The following RSRC1 variants were observed in gnomAD, a reference collection of about 807,000 sequenced individuals.
RSRC1 encodes the protein serine/Arginine-related protein 53.
A neutral mutation model predicts 49.1 loss-of-function variants in RSRC1; 39 were observed. The observed-to-expected ratio is 0.79, with a 90% CI of 0.61 to 1.04. The LOEUF is 1.04. Among genes scored for constraint, RSRC1 ranks in the 50% least tolerant of loss-of-function variants. The pLI, the probability that RSRC1 is intolerant of heterozygous loss-of-function variation, is 0.00. For missense variants in RSRC1, 388 were observed against 402.4 expected (o/e 0.96, Z 0.31); for synonymous variants, 143 against 130.8 (o/e 1.09, Z -0.63).
rs1720072749 is a variant in RSRC1, at chr3:158,188,910, C to T, written c.321-14162C>T. Among the ~76,000 whole-genome samples the T allele has an allele frequency of 2.0e-5, 3 of 151,586 alleles. No individual in the cohort carries two copies. The South Asian group carries it at 6.2e-4, about 31-fold the overall frequency. Reference sequence around the variant, plus strand: ...TTCTCTTTGAGATGGATGCTTAGATCATTTATTTTTAGCTTTTATTCTTTT... The same window carrying T: ...TTCTCTTTGAGATGGATGCTTAGATTATTTATTTTTAGCTTTTATTCTTTT... On this transcript the variant is annotated intron_variant, in intron 3 of 9. Transcript: ENST00000611884.
intron 3 of RSRC1, among the ~76,000 whole-genome samples, chr3:158,161,426 A>G (rs2108225761): frequency 6.6e-6 from 1 of 152,320 alleles, no homozygotes; most frequent in South Asian, 2.1e-4. Flanking sequence ...AAAGCAAATC[A>G]TGGGTCTAAG....
intron 6 of RSRC1, among the ~76,000 whole-genome samples, chr3:158,451,678 C>T (rs1208719537): frequency 6.6e-6 from 1 of 152,014 alleles, no homozygotes; most frequent in Non-Finnish European, 1.5e-5. Context: ...TGCCTTTATT[C>T]AGACACTTTC....
At chr3:158,511,850 G>C (rs1740203041) in intron 7 of RSRC1, among the ~76,000 whole-genome samples, 1 of 151,986 alleles carries the variant, frequency 6.6e-6, no homozygotes, top group Non-Finnish European at 1.5e-5. Context: ...TTGTGGTTTT[G>C]ATTTGCATTT....
In RSRC1 at chr3:158,123,968, T is replaced by G. The variant is rs1715452878; in HGVS notation, c.297T>G (p.Ser99=). ...GRGKSYRVQR[S]RSKSRTRRSR... is the part of the protein sequence containing the mutation. ...GGAAATCCTATAGAGTTCAGAGGTC[T>G]AGGTCAAAAAGCAGAACAAGAAGGT... The change falls in exon 3 of 10, where the codon TCT becomes TCG. Residue 99 remains serine (S), a synonymous_variant. Coordinates refer to ENST00000611884, the MANE Select transcript of RSRC1 (RefSeq NM_001271838.2). 1 of 1,601,630 alleles carries G rather than the reference T, an allele frequency of 6.2e-7. No homozygotes were observed. The highest frequency in any genetic ancestry group is 8.5e-7 in the Non-Finnish European group (1 of 1,174,198).
In RSRC1 at chr3:158,489,584, A is replaced by G. The variant is rs532344815; in HGVS notation, c.652+28581A>G. ...ATAATTTATATATTTAGTTTATTTT[A>G]TGTAAAACAAACCAGTAAAAAACAT... On this transcript the variant is annotated intron_variant, in intron 7 of 9. Transcript: ENST00000611884. Among the ~76,000 whole-genome samples the G allele has an allele frequency of 4.6e-5, 7 of 152,182 alleles. No homozygotes were observed. In the South Asian group the frequency reaches 1.5e-3, roughly 32 times the overall value.
chr3:158,508,144 T>TA (rs1242995643), intron 7 of RSRC1, among the ~76,000 whole-genome samples: 4 of 152,126 alleles, frequency 2.6e-5, no homozygotes, highest in Non-Finnish European at 1.5e-5. Flanking sequence ...GGTTTTGCTT[T>TA]AAAAAAATTT....
At chr3:158,197,401 T>A (rs958043366) in intron 3 of RSRC1, among the ~76,000 whole-genome samples, 10 of 152,218 alleles carry the variant, frequency 6.6e-5, no homozygotes, top group African/African-American at 2.4e-4. Flanking sequence ...TTTTCTTCTT[T>A]ATTAGTCTTG....
At chr3:158,505,885 G>C (rs1739838222) in intron 7 of RSRC1, among the ~76,000 whole-genome samples, 1 of 152,096 alleles carries the variant, frequency 6.6e-6, no homozygotes, top group Admixed American at 6.6e-5. Flanking sequence ...ATTTAACATG[G>C]CTGAAACCAA....
At chr3:158,222,898 A>G (rs1722304799) in intron 4 of RSRC1, among the ~76,000 whole-genome samples, 1 of 151,610 alleles carries the variant, frequency 6.6e-6, no homozygotes, top group Admixed American at 6.6e-5. Flanking sequence ...CACAACCCTT[A>G]ACTTTCACTT....
At chr3:158,479,110 A>G (rs1156937637) in intron 7 of RSRC1, among the ~76,000 whole-genome samples, 1 of 151,216 alleles carries the variant, frequency 6.6e-6, no homozygotes, top group Non-Finnish European at 1.5e-5. Context: ...TAATGAGAGC[A>G]TACCAAATAA....
chr3:158,505,202 T>C (rs1739796277), intron 7 of RSRC1, among the ~76,000 whole-genome samples: 1 of 152,228 alleles, frequency 6.6e-6, no homozygotes, highest in Non-Finnish European at 1.5e-5. Flanking sequence ...CTTTTATTTA[T>C]GACTTTCATA....
chr3:158,133,687 T>C (rs1025531646), intron 3 of RSRC1, among the ~76,000 whole-genome samples: 6 of 152,206 alleles, frequency 3.9e-5, no homozygotes, highest in Non-Finnish European at 5.9e-5. Flanking sequence ...TAAAGAAATA[T>C]TTCAGCTCTA....
intron 6 of RSRC1, among the ~76,000 whole-genome samples, chr3:158,395,561 C>T (rs759483683): frequency 1.3e-5 from 2 of 152,086 alleles, no homozygotes; most frequent in African/African-American, 2.4e-5. Flanking sequence ...ATGCACCCAA[C>T]AAGTACACAA....
intron 5 of RSRC1, among the ~76,000 whole-genome samples, chr3:158,305,096 A>G (rs1727764220): frequency 6.6e-6 from 1 of 152,092 alleles, no homozygotes. Flanking sequence ...CTTCTGTAAT[A>G]AATGATTAAT....
chr3:158,442,750 C>G (rs1736452520), intron 6 of RSRC1, among the ~76,000 whole-genome samples: 5 of 152,032 alleles, frequency 3.3e-5, no homozygotes, highest in African/African-American at 9.7e-5. Context: ...AGAGGACTTT[C>G]AAGTCTTATT....
intron 4 of RSRC1, among the ~76,000 whole-genome samples, chr3:158,284,735 G>T (rs369823944): frequency 6.6e-6 from 1 of 151,912 alleles, no homozygotes; most frequent in South Asian, 2.1e-4. Context: ...CTTTTTGATG[G>T]GGTTGTTTGT....
rs1949691 is a variant in RSRC1 at position 158,154,757 on chromosome 3, C to T, written c.320+30766C>T. The stretch of plus-strand genomic sequence containing the variant: ...GATTACAGGCGTGAGCCACTGCGCC[C>T]GGCCAGAACTTCTTTCAAAATTAGA... On this transcript the variant is annotated intron_variant, in intron 3 of 9. Coordinates refer to ENST00000611884, the MANE Select transcript of RSRC1 (RefSeq NM_001271838.2). Among the ~76,000 whole-genome samples the T allele has an allele frequency of 8.3e-3, 1,260 of 152,228 alleles. 28 individuals are homozygous for T. The highest frequency in any genetic ancestry group is 0.028 in the African/African-American group (1,165 of 41,554).
intron 4 of RSRC1, chr3:158,225,585 A>G (rs567039048): frequency 5.5e-6 from 2 of 361,090 alleles, no homozygotes; most frequent in East Asian, 1.7e-4. Context: ...GGAGGCAATT[A>G]AAAGTTATAA....
intron 4 of RSRC1, among the ~76,000 whole-genome samples, chr3:158,239,306 TACTC>T (rs1245362087): frequency 6.6e-6 from 1 of 152,206 alleles, no homozygotes; most frequent in Non-Finnish European, 1.5e-5. Context: ...GTGTGTCAAT[TACTC>T]AAGGATCTAG....
Sources: allele counts gnomAD v4.1 joint callset (sites outside exome capture counted in the v4.1 genomes callset), GRCh38; gene constraint gnomAD v4.1.1; transcripts MANE v1.5; gene names NCBI Gene and HGNC (gene_info 2026-07-23, HGNC 2026-07-21).